SGK3: variants seen among roughly 807,000 people sequenced by gnomAD.
SGK3 encodes serine/threonine-protein kinase Sgk3.
A neutral mutation model predicts 68.5 loss-of-function variants in SGK3; 47 were observed. The ratio of observed to expected loss-of-function variants is 0.69; its 90% CI spans 0.54 to 0.87. The LOEUF (loss-of-function observed/expected upper bound fraction) is 0.87. Ranked by LOEUF, SGK3 falls within the 40% of genes least tolerant of loss-of-function variation. The pLI, the probability that SGK3 is intolerant of heterozygous loss-of-function variation, is 0.00. For synonymous variants in SGK3, 181 were observed against 189.1 expected (o/e 0.96, Z 0.35); for missense variants, 479 against 575.5 (o/e 0.83, Z 1.72).
chr8:66,835,520 C>G (rs193253968), intron 8 of SGK3, among the ~76,000 whole-genome samples: 5 of 152,100 alleles, frequency 3.3e-5, no homozygotes, highest in African/African-American at 1.2e-4. Flanking sequence ...CATACACACA[C>G]AAACTTCTCA....
chr8:66,802,587 G>T (rs902322664), intron 3 of SGK3, among the ~76,000 whole-genome samples: 13 of 151,832 alleles, frequency 8.6e-5, no homozygotes, highest in African/African-American at 2.9e-4. Flanking sequence ...CTACTCAGGG[G>T]GCTGAGGGGA....
chr8:66,738,624 T>C (rs762434230), intron 1 of SGK3, among the ~76,000 whole-genome samples: 6 of 148,890 alleles, frequency 4.0e-5, no homozygotes, highest in Non-Finnish European at 7.4e-5. Context: ...TGGCTCAAGA[T>C]CCACTTTCTT....
Position 66,859,696 on chromosome 8 carries a change from T to C in SGK3, c.*115T>C. 2.5e-6 allele frequency: 3 copies of C among 1,189,250 alleles called. No individual in the cohort carries two copies. Among genetic ancestry groups the C allele is most frequent in the Non-Finnish European group, 3.3e-6 (3 of 906,450 alleles). The allele number at this position is 1,189,250 out of a possible 1,614,324, so 73.7% of individuals were successfully genotyped here. A position where few individuals can be genotyped will look rare whatever the true frequency, so the allele number is the denominator to read the frequency against. On this transcript the variant is annotated 3_prime_UTR_variant, in exon 17 of 17. Transcript: ENST00000521198. ...ACTAGTGCCTCATTTTTATATGTAA[T>C]GATGAAAACTATGAAAAAATGTATT...
intron 14 of SGK3, among the ~76,000 whole-genome samples, chr8:66,845,693 C>CTTGCTTATTTAT (rs764810479): frequency 1.4e-5 from 2 of 139,748 alleles, no homozygotes; most frequent in East Asian, 2.1e-4. Context: ...ACCTAGCTTG[C>CTTGCTTATTTAT]TTATTTATTT....
intron 6 of SGK3, among the ~76,000 whole-genome samples, chr8:66,823,926 G>C (rs1457586993): frequency 3.9e-5 from 6 of 152,166 alleles, no homozygotes; most frequent in African/African-American, 1.4e-4. Flanking sequence ...ATGAAAATCA[G>C]AGATGATGGG....
intron 6 of SGK3, among the ~76,000 whole-genome samples, chr8:66,825,948 TTAATC>T (rs1216987302): frequency 6.6e-6 from 1 of 152,118 alleles, no homozygotes; most frequent in Non-Finnish European, 1.5e-5. Flanking sequence ...TTCATGTTGT[TTAATC>T]TGCACTATAT....
In SGK3 at chr8:66,813,904, T is replaced by C. The variant is rs1346942385; in HGVS notation, c.305T>C (p.Val102Ala). The change falls in exon 5 of 17, where the codon GTT becomes GCT. Residue 102 changes from valine to alanine, a missense_variant. Coordinates refer to ENST00000521198, the MANE Select transcript of SGK3 (RefSeq NM_001033578.3). The part of the protein sequence containing the change: ...AGLNEFIQNL[V>A]RYPELYNHPD... ...CTAAACGAATTCATTCAGAACCTAGTTAGGTATCCAGAACTTTATAACCAG... is the reference window on the plus strand; with the variant it reads ...CTAAACGAATTCATTCAGAACCTAGCTAGGTATCCAGAACTTTATAACCAG... The C allele has an allele frequency of 1.3e-6, 2 of 1,596,562 alleles. No individual in the cohort carries two copies. The highest frequency in any genetic ancestry group is 1.3e-5 in the African/African-American group (1 of 74,270).
At chr8:66,724,668 C>T (rs1225046307) in intron 1 of SGK3, among the ~76,000 whole-genome samples, 2 of 152,184 alleles carry the variant, frequency 1.3e-5, no homozygotes, top group African/African-American at 4.8e-5. Flanking sequence ...TTATTGCTTT[C>T]ACTGGACATG....
chr8:66,749,553 C>A (rs1330390675), intron 1 of SGK3, among the ~76,000 whole-genome samples: 1 of 152,024 alleles, frequency 6.6e-6, no homozygotes, highest in East Asian at 1.9e-4. Context: ...ATTGCTAGAC[C>A]AGTTGCTTAA....
chr8:66,770,099 G>A (rs989175463), intron 1 of SGK3, among the ~76,000 whole-genome samples: 8 of 152,000 alleles, frequency 5.3e-5, no homozygotes, highest in Admixed American at 2.6e-4. Context: ...GACTACAGGC[G>A]TGCGCCACCA....
chr8:66,735,326 G>C (rs117151579), intron 1 of SGK3, among the ~76,000 whole-genome samples: 281 of 152,312 alleles, frequency 1.8e-3, no homozygotes, highest in Non-Finnish European at 1.4e-3. Flanking sequence ...CATTATTGTT[G>C]ATTGTGTAAG....
At chr8:66,764,939 A>G (rs1806274889) in intron 1 of SGK3, among the ~76,000 whole-genome samples, 1 of 152,230 alleles carries the variant, frequency 6.6e-6, no homozygotes, top group Non-Finnish European at 1.5e-5. Flanking sequence ...TATATACCAC[A>G]GTTTATCCAT....
At chr8:66,844,791 G>A (rs142339959) in intron 14 of SGK3, among the ~76,000 whole-genome samples, 57 of 152,284 alleles carry the variant, frequency 3.7e-4, no homozygotes, top group African/African-American at 1.2e-3. Flanking sequence ...ATTTCAGAGC[G>A]TTTGTTTTAT....
intron 3 of SGK3, among the ~76,000 whole-genome samples, 161 bp from the exon 4 acceptor site, chr8:66,804,213 AT>A (rs1563636442): frequency 6.6e-6 from 1 of 152,156 alleles, no homozygotes; most frequent in East Asian, 1.9e-4. Context: ...AGTTTGTGAC[AT>A]TTTATTGGTA....
intron 12 of SGK3, among the ~76,000 whole-genome samples, chr8:66,840,502 G>T (rs531078350): frequency 2.0e-5 from 3 of 152,122 alleles, no homozygotes; most frequent in Non-Finnish European, 1.5e-5. Context: ...TCTGTATTGC[G>T]TAGAGCTACA....
At chr8:66,824,281 C>T (rs73693608) in intron 6 of SGK3, among the ~76,000 whole-genome samples, 3,109 of 151,992 alleles carry the variant, frequency 0.02, 110 homozygotes, top group African/African-American at 0.07. Context: ...GAAGAAATAA[C>T]GTCTGTGTGA....
In SGK3 at chr8:66,836,068, A is replaced by C; in HGVS notation, c.735A>C (p.Gly245=). ...ATTTTGTTCTGGATTTTGTTAATGG[A>C]GGGGAGGTGAGTTTTATAATGAGTT... The part of the protein sequence containing the change: ...KLYFVLDFVN[G]GELFFHLQRE... The change falls in exon 10 of 17, where the codon GGA becomes GGC. Residue 245 remains glycine, a synonymous_variant. Transcript: ENST00000521198. The C allele has an allele frequency of 6.2e-7, 1 of 1,611,064 alleles. No homozygotes were observed. Among genetic ancestry groups the C allele is most frequent in the Non-Finnish European group, 8.5e-7 (1 of 1,178,878 alleles).
chr8:66,809,147 A>G (rs1232465249), intron 4 of SGK3, among the ~76,000 whole-genome samples: 1 of 152,090 alleles, frequency 6.6e-6, no homozygotes, highest in Non-Finnish European at 1.5e-5. Context: ...GGATTACACC[A>G]CCACCACTCC....
intron 1 of SGK3, among the ~76,000 whole-genome samples, chr8:66,781,257 A>G (rs183824505): frequency 6.6e-6 from 1 of 152,316 alleles, no homozygotes; most frequent in African/African-American, 2.4e-5. Context: ...TGCCACTGCT[A>G]CCATCTCTAC....
Sources: gnomAD v4.1 joint callset for allele counts (sites outside exome capture counted in the v4.1 genomes callset) on GRCh38, gnomAD v4.1.1 for gene constraint, MANE v1.5 for transcripts, NCBI Gene and HGNC (gene_info 2026-07-23, HGNC 2026-07-21) for gene names.